Variants in ZNF804A observed in about 807,000 individuals in gnomAD.
The protein encoded by ZNF804A is zinc finger protein 804A.
ZNF804A carries 2 observed loss-of-function variants against 16.5 expected under a neutral mutation model. The ratio of observed to expected loss-of-function variants is 0.12; its 90% CI spans 0.05 to 0.38. ZNF804A has a LOEUF of 0.38. Among genes scored for constraint, ZNF804A ranks in the 10% least tolerant of loss-of-function variants. ZNF804A has a pLI of 0.99. For synonymous variants in ZNF804A, 534 were observed against 489.6 expected, an observed-to-expected ratio of 1.09 and a Z score of -1.20; for missense variants, 1,473 against 1,390.7, an observed-to-expected ratio of 1.06 and a Z score of -0.94.
rs149558141 is a variant in ZNF804A at position 184,641,225 on chromosome 2, A to G, written c.111+42155A>G. On this transcript the variant is annotated intron_variant, in intron 1 of 3. Coordinates refer to ENST00000302277, the MANE Select transcript of ZNF804A (RefSeq NM_194250.2). Reference sequence around the variant, plus strand: ...CTCGGCTTCCCAAAGTGCTGTGATTACAGGTGTGAGCCATCATACCCAGCC... The same window carrying G: ...CTCGGCTTCCCAAAGTGCTGTGATTGCAGGTGTGAGCCATCATACCCAGCC... 2.2e-3 allele frequency among the ~76,000 whole-genome samples: 334 copies of G among 152,308 alleles called. 2 individuals carry two copies. Among genetic ancestry groups the G allele is most frequent in the Non-Finnish European group, 3.8e-3 (257 of 68,024 alleles).
At chr2:184,880,803 AGG>A (rs1353446487) in intron 2 of ZNF804A, among the ~76,000 whole-genome samples, 1 of 152,116 alleles carries the variant, frequency 6.6e-6, no homozygotes, top group East Asian at 1.9e-4. Flanking sequence ...ACAGAGCAAG[AGG>A]GTGCCCAATT....
At chr2:184,669,482 A>G (rs1299656377) in intron 1 of ZNF804A, among the ~76,000 whole-genome samples, 5 of 152,080 alleles carry the variant, frequency 3.3e-5, no homozygotes, top group Non-Finnish European at 5.9e-5. Flanking sequence ...TTCTTAAGTT[A>G]AAACATGAAA....
chr2:184,727,412 C>A (rs952427861), intron 1 of ZNF804A, among the ~76,000 whole-genome samples: 1 of 151,704 alleles, frequency 6.6e-6, no homozygotes, highest in Non-Finnish European at 1.5e-5. Context: ...TATTGTTGGT[C>A]TCTTCCTGCA....
chr2:184,805,584 G>A (rs1295713087), intron 1 of ZNF804A, among the ~76,000 whole-genome samples: 1 of 151,800 alleles, frequency 6.6e-6, no homozygotes, highest in Admixed American at 6.6e-5. Context: ...GATCTTAGGG[G>A]GAAAAAACAG....
At chr2:184,787,366 G>T (rs1464451731) in intron 1 of ZNF804A, among the ~76,000 whole-genome samples, 1 of 151,788 alleles carries the variant, frequency 6.6e-6, no homozygotes, top group African/African-American at 2.4e-5. Context: ...CTTTGGGTAG[G>T]TATCTAGTAG....
In ZNF804A at chr2:184,796,164, C is replaced by T. The variant is rs192167712; in HGVS notation, c.112-70205C>T. ...TAGTATCTGTGTTCATCAAGGCTAT[C>T]GGTCTGTAGTTTCCTTTTTTGGTTA... On this transcript the variant is annotated intron_variant, in intron 1 of 3. Coordinates refer to ENST00000302277, the MANE Select transcript of ZNF804A (RefSeq NM_194250.2). Among the ~76,000 whole-genome samples the T allele has an allele frequency of 2.3e-3, 356 of 152,020 alleles. 1 individual carries two copies. Among genetic ancestry groups the T allele is most frequent in the Non-Finnish European group, 3.8e-3 (258 of 67,902 alleles).
intron 1 of ZNF804A, among the ~76,000 whole-genome samples, chr2:184,824,542 G>A (rs1354458241): frequency 6.6e-6 from 1 of 150,542 alleles, no homozygotes; most frequent in Non-Finnish European, 1.5e-5. Flanking sequence ...GCTCTCTTAC[G>A]TTTTATATTT....
chr2:184,838,597 T>G (rs1695390040), intron 1 of ZNF804A, among the ~76,000 whole-genome samples: 1 of 152,160 alleles, frequency 6.6e-6, no homozygotes. Flanking sequence ...ACATTAAATA[T>G]TCATATTTTT....
At chr2:184,809,377 G>C (rs1023743720) in intron 1 of ZNF804A, among the ~76,000 whole-genome samples, 3 of 151,770 alleles carry the variant, frequency 2.0e-5, no homozygotes, top group Non-Finnish European at 3.0e-5. Context: ...AATATTTCCT[G>C]ATATAAGCCA....
At chr2:184,723,089 A>G (rs557360614) in intron 1 of ZNF804A, among the ~76,000 whole-genome samples, 1 of 151,914 alleles carries the variant, frequency 6.6e-6, no homozygotes, top group Non-Finnish European at 1.5e-5. Context: ...AACATGGATA[A>G]TCTGTTAAAT....
chr2:184,851,116 G>A (rs1011687654), intron 1 of ZNF804A, among the ~76,000 whole-genome samples: 2 of 151,764 alleles, frequency 1.3e-5, no homozygotes, highest in African/African-American at 4.8e-5. Context: ...TTTGAAACAT[G>A]TATGTATTGT....
intron 2 of ZNF804A, among the ~76,000 whole-genome samples, chr2:184,909,291 C>A (rs1457519505): frequency 6.6e-6 from 1 of 151,964 alleles, no homozygotes; most frequent in Non-Finnish European, 1.5e-5. Context: ...CTGCTGAGAG[C>A]ATTTACTTAT....
intron 1 of ZNF804A, among the ~76,000 whole-genome samples, chr2:184,838,018 G>T (rs1230257502): frequency 6.6e-6 from 1 of 152,116 alleles, no homozygotes; most frequent in Non-Finnish European, 1.5e-5. Context: ...ATTTCTGAAG[G>T]CAGGACCTGG....
At chr2:184,638,511 T>C (rs546525669) in intron 1 of ZNF804A, among the ~76,000 whole-genome samples, 1 of 152,328 alleles carries the variant, frequency 6.6e-6, no homozygotes, top group South Asian at 2.1e-4. Flanking sequence ...TTATGGGTGG[T>C]ATTCTTTAGT....
At chr2:184,900,458 A>G (rs976579608) in intron 2 of ZNF804A, among the ~76,000 whole-genome samples, 1 of 152,114 alleles carries the variant, frequency 6.6e-6, no homozygotes, top group African/African-American at 2.4e-5. Context: ...GATCACCACA[A>G]CACTACATAC....
chr2:184,874,933 T>A (rs1223635236), intron 2 of ZNF804A, among the ~76,000 whole-genome samples: 1 of 152,176 alleles, frequency 6.6e-6, no homozygotes, highest in African/African-American at 2.4e-5. Flanking sequence ...AAATTATTAT[T>A]GTAAAAACAT....
chr2:184,829,988 T>C (rs1695237060), intron 1 of ZNF804A, among the ~76,000 whole-genome samples: 1 of 145,240 alleles, frequency 6.9e-6, no homozygotes, highest in African/African-American at 2.6e-5. Context: ...TTACCTGTGG[T>C]CCCAACTACT....
intron 1 of ZNF804A, among the ~76,000 whole-genome samples, chr2:184,864,206 G>C (rs893200927): frequency 1.3e-5 from 2 of 152,108 alleles, no homozygotes; most frequent in African/African-American, 4.8e-5. Flanking sequence ...GAAGGGGAAG[G>C]GGAGCTGGTG....
chr2:184,869,503 G>T lies in ZNF804A; in HGVS notation c.255+2991G>T, dbSNP rs566503147. Among the ~76,000 whole-genome samples, 12 of 152,072 alleles carry T rather than the reference G, an allele frequency of 7.9e-5. No homozygotes were observed. The South Asian group carries it at 1.9e-3, about 24-fold the overall frequency. ...TGGGTTAAATAATCAAACGCCCAAT[G>T]AGCTCAACTGTCTATTATTAGGGAA... On this transcript the variant is annotated intron_variant, in intron 2 of 3. Coordinates refer to ENST00000302277, the MANE Select transcript of ZNF804A (RefSeq NM_194250.2).
Sources: allele counts gnomAD v4.1 joint callset (sites outside exome capture counted in the v4.1 genomes callset), GRCh38; gene constraint gnomAD v4.1.1; transcripts MANE v1.5; gene names NCBI Gene and HGNC (gene_info 2026-07-23, HGNC 2026-07-21).